The following ADAMTS19 variants were observed in gnomAD, a reference collection of about 807,000 sequenced individuals.
ADAMTS19 encodes A disintegrin and metalloproteinase with thrombospondin motifs 19.
A neutral mutation model predicts 153.3 loss-of-function variants in ADAMTS19; 93 were observed. That is an observed-to-expected ratio of 0.61 (90% CI 0.51 to 0.72). The LOEUF (loss-of-function observed/expected upper bound fraction) is 0.72, where lower values mean the gene tolerates loss of function less well. ADAMTS19 is among the 30% of genes least tolerant of loss of function. ADAMTS19 has a pLI of 0.00. For synonymous variants in ADAMTS19, 600 were observed against 556.6 expected, an observed-to-expected ratio of 1.08 and a Z score of -1.10; for missense variants, 1,482 against 1,552.1, an observed-to-expected ratio of 0.95 and a Z score of 0.76.
intron 3 of ADAMTS19, among the ~76,000 whole-genome samples, chr5:129,524,433 A>G (rs1036954195): frequency 6.6e-6 from 1 of 152,160 alleles, no homozygotes; most frequent in Non-Finnish European, 1.5e-5. Context: ...AAGCAATTGC[A>G]ACAAAAGCCA....
At chr5:129,653,626 A>C (rs1436516337) in intron 13 of ADAMTS19, among the ~76,000 whole-genome samples, 1 of 152,192 alleles carries the variant, frequency 6.6e-6, no homozygotes, top group East Asian at 1.9e-4. Flanking sequence ...GCAGTTGCGC[A>C]TAACTATGGA....
intron 8 of ADAMTS19, among the ~76,000 whole-genome samples, chr5:129,608,116 G>GTATATATATATATATATACA (rs1751013421): frequency 2.1e-5 from 1 of 47,928 alleles, no homozygotes; most frequent in Non-Finnish European, 5.0e-5. Flanking sequence ...GTGTGTGTGT[G>GTATATATATATATATATACA]TATATATATA....
At chr5:129,547,394 TAA>T (rs1476543074) in intron 6 of ADAMTS19, among the ~76,000 whole-genome samples, 1 of 150,828 alleles carries the variant, frequency 6.6e-6, no homozygotes, top group African/African-American at 2.5e-5. Context: ...CTTCAGACTG[TAA>T]GTTAAAGTTT....
chr5:129,508,335 C>A (rs1399951314), intron 2 of ADAMTS19, among the ~76,000 whole-genome samples: 1 of 151,706 alleles, frequency 6.6e-6, no homozygotes, highest in Middle Eastern at 3.3e-3. Flanking sequence ...GAATACTTTC[C>A]TAGTTATAAT....
At chr5:129,528,792 T>G (rs1489553536) in intron 6 of ADAMTS19, 115 bp downstream of exon 6, 1 of 839,076 alleles carries the variant, frequency 1.2e-6, no homozygotes. Context: ...TCAAGAGTGA[T>G]TTTGGCATAA....
intron 21 of ADAMTS19, among the ~76,000 whole-genome samples, chr5:129,714,084 A>G (rs1486434807): frequency 6.6e-6 from 1 of 152,244 alleles, no homozygotes; most frequent in East Asian, 1.9e-4. Context: ...AAGTCCTTAA[A>G]ATGAAGAGTC....
Position 129,545,899 on chromosome 5 carries a change from G to T in ADAMTS19, c.1329-5965G>T, listed in dbSNP as rs548749995. On this transcript the variant is annotated intron_variant, in intron 6 of 22. Transcript: ENST00000274487. The stretch of plus-strand genomic sequence containing the variant: ...TCCCATTACTGGGTATATACCCAAA[G>T]GACTATAAATCATGCTGCTATAAAG... 2.5e-3 allele frequency among the ~76,000 whole-genome samples: 378 copies of T among 149,554 alleles called. 17 individuals carry two copies. The highest frequency in any genetic ancestry group is 8.6e-3 in the African/African-American group (337 of 39,388).
At position 129,596,593 on chromosome 5, in the gene ADAMTS19, G is replaced by C. The variant is rs144376755; in HGVS notation, c.1407G>C (p.Lys469Asn). The change falls in exon 8 of 23, where the codon AAG (lysine) becomes AAC (asparagine). Residue 469 changes from lysine to asparagine, a missense_variant. Lys to Asn is a moderately conservative substitution (Grantham distance 94). Around this residue, in one of 2 missense-constraint regions of ADAMTS19, gnomAD observed 866 missense variants for 827.7 expected, o/e 1.05. Coordinates refer to ENST00000274487, the MANE Select transcript of ADAMTS19 (RefSeq NM_133638.6). ...ACTTGAGTGGAATGTGTAGTGAAAAGAGAAAATGTATTATTGCTGAAGACA... is the reference window on the plus strand; with the variant it reads ...ACTTGAGTGGAATGTGTAGTGAAAACAGAAAATGTATTATTGCTGAAGACA... ...IAYLSGMCSEKRKCIIAEDNG... is the reference protein window; with the variant it reads ...IAYLSGMCSENRKCIIAEDNG... 6.2e-7 allele frequency: 1 copy of C among 1,608,390 alleles called. No homozygotes were observed. Among genetic ancestry groups the C allele is most frequent in the Non-Finnish European group, 8.5e-7 (1 of 1,177,598 alleles).
At chr5:129,620,211 G>C (rs1253204722) in intron 8 of ADAMTS19, among the ~76,000 whole-genome samples, 1 of 151,924 alleles carries the variant, frequency 6.6e-6, no homozygotes, top group Non-Finnish European at 1.5e-5. Flanking sequence ...TTTGGTAAAA[G>C]ATGTGTTTGT....
intron 12 of ADAMTS19, 56 bp downstream of exon 12, chr5:129,647,951 G>T (rs1357098592): frequency 6.4e-7 from 1 of 1,559,300 alleles, no homozygotes; most frequent in Admixed American, 1.7e-5. Flanking sequence ...GAATGCAAAG[G>T]TTTTACTGAT....
At chr5:129,557,138 A>T (rs1753341849) in intron 7 of ADAMTS19, among the ~76,000 whole-genome samples, 1 of 152,176 alleles carries the variant, frequency 6.6e-6, no homozygotes, top group Non-Finnish European at 1.5e-5. Context: ...TTAGATAAAA[A>T]GTAGTAATTG....
At chr5:129,590,715 C>G (rs1004011689) in intron 7 of ADAMTS19, among the ~76,000 whole-genome samples, 3 of 152,112 alleles carry the variant, frequency 2.0e-5, no homozygotes, top group African/African-American at 7.2e-5. Context: ...GATTATTAGT[C>G]AACTAGTGAG....
chr5:129,654,463 A>G (rs930132537), intron 14 of ADAMTS19, 30 bp downstream of exon 14: 4 of 1,593,994 alleles, frequency 2.5e-6, no homozygotes, highest in Non-Finnish European at 3.4e-6. Context: ...AAAAGAATTT[A>G]TATGTTGAAG....
intron 7 of ADAMTS19, among the ~76,000 whole-genome samples, chr5:129,563,855 T>G (rs1303638879): frequency 6.6e-6 from 1 of 152,142 alleles, no homozygotes; most frequent in Non-Finnish European, 1.5e-5. Flanking sequence ...AGTACTGCTG[T>G]GAAGGAATTT....
Position 129,710,675 on chromosome 5 carries a change from A to T in ADAMTS19, c.3312+6284A>T, listed in dbSNP as rs573508931. ...TCTATACAGAAGCTTGTCACTTCTT[A>T]AAACTAACATTGACAGTAGTATGTC... On this transcript the variant is annotated intron_variant, in intron 21 of 22. Transcript: ENST00000274487. Among the ~76,000 whole-genome samples, 196 of 152,316 alleles carry T rather than the reference A, an allele frequency of 1.3e-3. 1 individual carries two copies. The highest frequency in any genetic ancestry group is 4.5e-3 in the African/African-American group (189 of 41,574).
intron 6 of ADAMTS19, among the ~76,000 whole-genome samples, chr5:129,535,314 G>C (rs1396952550): frequency 6.6e-6 from 1 of 152,082 alleles, no homozygotes; most frequent in African/African-American, 2.4e-5. Context: ...TTCACAATTG[G>C]CTTGAAAGAG....
intron 18 of ADAMTS19, 97 bp from the exon 19 acceptor site, chr5:129,694,623 T>C (rs1755474274): frequency 3.3e-6 from 3 of 916,444 alleles, no homozygotes. Context: ...AAAAAGTTTT[T>C]TAAATAAAAA....
At chr5:129,587,446 T>C (rs1157410217) in intron 7 of ADAMTS19, among the ~76,000 whole-genome samples, 2 of 152,162 alleles carry the variant, frequency 1.3e-5, no homozygotes, top group Non-Finnish European at 2.9e-5. Flanking sequence ...TGGTATTTTT[T>C]GAATCAATGA....
At chr5:129,618,417 A>G (rs1751626849) in intron 8 of ADAMTS19, among the ~76,000 whole-genome samples, 1 of 152,072 alleles carries the variant, frequency 6.6e-6, no homozygotes, top group South Asian at 2.1e-4. Context: ...TTTATACCAG[A>G]ATTTTTATAG....
Sources: allele counts gnomAD v4.1 joint callset (sites outside exome capture counted in the v4.1 genomes callset), GRCh38; gene constraint gnomAD v4.1.1; regional missense constraint gnomAD v4.1.1; transcripts MANE v1.5; gene names NCBI Gene and HGNC (gene_info 2026-07-23, HGNC 2026-07-21).